The following SLC37A3 variants were observed in gnomAD, a reference collection of about 807,000 sequenced individuals.
The protein encoded by SLC37A3 is sugar phosphate exchanger 3.
Under a neutral mutation model 67.1 loss-of-function variants are expected in SLC37A3, and 51 were observed. The ratio of observed to expected loss-of-function variants is 0.76; its 90% CI spans 0.61 to 0.96. The LOEUF (loss-of-function observed/expected upper bound fraction) is 0.96, where lower values mean the gene tolerates loss of function less well. Ranked by LOEUF, SLC37A3 falls within the 40% of genes least tolerant of loss-of-function variation. SLC37A3 has a pLI of 0.00. For missense variants in SLC37A3, 508 were observed against 603.0 expected (o/e 0.84, Z 1.65); for synonymous variants, 214 against 231.4 (o/e 0.92, Z 0.68).
intron 5 of SLC37A3, among the ~76,000 whole-genome samples, 177 bp from the exon 6 acceptor site, chr7:140,358,962 G>A (rs1485224585): frequency 9.9e-5 from 15 of 152,130 alleles, no homozygotes; most frequent in Admixed American, 9.2e-4. Context: ...CAGTGAGGAG[G>A]CAGCCACCCA....
At chr7:140,359,140 G>C (rs1471082845) in intron 5 of SLC37A3, among the ~76,000 whole-genome samples, 2 of 152,026 alleles carry the variant, frequency 1.3e-5, no homozygotes, top group African/African-American at 4.8e-5. Context: ...TCAGGAAATC[G>C]AGACCATCCT....
intron 9 of SLC37A3, among the ~76,000 whole-genome samples, chr7:140,349,254 T>C (rs747518515): frequency 6.6e-6 from 1 of 152,154 alleles, no homozygotes; most frequent in Non-Finnish European, 1.5e-5. Flanking sequence ...CTGTGAACAA[T>C]GGACAGCAAA....
At chr7:140,388,249 A>G (rs1798584761) in intron 1 of SLC37A3, among the ~76,000 whole-genome samples, 1 of 151,852 alleles carries the variant, frequency 6.6e-6, no homozygotes, top group African/African-American at 2.4e-5. Context: ...CCTGGGAAAC[A>G]TGGCAAAACC....
At position 140,334,812 on chromosome 7, in the gene SLC37A3, C is replaced by T; in HGVS notation, c.*600G>A. The T allele has an allele frequency of 5.6e-6, 1 of 178,852 alleles. No individual in the cohort carries two copies. 11.1% of individuals were successfully genotyped at this position (178,852 alleles called of 1,614,324 possible). Reference sequence around the variant, plus strand: ...GGCTGAATGACGTTTAGATCAGACACAGAGTGACTGAGCCAATCAACAGGC... The same window carrying T: ...GGCTGAATGACGTTTAGATCAGACATAGAGTGACTGAGCCAATCAACAGGC... On this transcript the variant is annotated 3_prime_UTR_variant, in exon 15 of 15. Transcript: ENST00000326232.
chr7:140,339,556 C>T (rs898315663), intron 13 of SLC37A3, among the ~76,000 whole-genome samples: 16 of 152,050 alleles, frequency 1.1e-4, no homozygotes, highest in African/African-American at 3.9e-4. Context: ...CCACCGCGCC[C>T]GGCCCCCAGT....
At chr7:140,373,870 C>T (rs1333634242) in intron 3 of SLC37A3, among the ~76,000 whole-genome samples, 1 of 152,004 alleles carries the variant, frequency 6.6e-6, no homozygotes, top group Non-Finnish European at 1.5e-5. Context: ...CCCACTATCT[C>T]CTATTAACAG....
intron 6 of SLC37A3, among the ~76,000 whole-genome samples, chr7:140,358,154 G>A (rs10237412): frequency 0.021 from 3,125 of 152,158 alleles, 99 homozygotes; most frequent in African/African-American, 0.071. Context: ...AAAGTCTGGC[G>A]TTCTTCATCT....
At chr7:140,371,335 AGAT>A (rs1164947495) in intron 3 of SLC37A3, among the ~76,000 whole-genome samples, 2 of 151,940 alleles carry the variant, frequency 1.3e-5, no homozygotes, top group African/African-American at 4.8e-5. Context: ...CACCACGCCC[AGAT>A]AATTTTTGTA....
chr7:140,338,386 C>T (rs1399029275), intron 13 of SLC37A3, among the ~76,000 whole-genome samples: 3 of 152,172 alleles, frequency 2.0e-5, no homozygotes, highest in East Asian at 3.9e-4. Flanking sequence ...CTAGATATTT[C>T]GTGTAAATGG....
chr7:140,383,462 C>T (rs1167295015), intron 1 of SLC37A3, among the ~76,000 whole-genome samples: 1 of 151,920 alleles, frequency 6.6e-6, no homozygotes, highest in African/African-American at 2.4e-5. Context: ...CAAAGTGAGA[C>T]CCCTGACTCT....
intron 1 of SLC37A3, among the ~76,000 whole-genome samples, chr7:140,392,141 G>C (rs1798748011): frequency 6.6e-6 from 1 of 152,066 alleles, no homozygotes; most frequent in Non-Finnish European, 1.5e-5. Flanking sequence ...GGAACTCTCA[G>C]TGGACAGCAT....
chr7:140,351,963 A>G, intron 8 of SLC37A3, 99 bp downstream of exon 8: 2 of 1,202,600 alleles, frequency 1.7e-6, no homozygotes, highest in Non-Finnish European at 2.4e-6. Flanking sequence ...AGGAGCTCAG[A>G]GTTTTCCTAG....
At chr7:140,391,992 A>G (rs1798742796) in intron 1 of SLC37A3, among the ~76,000 whole-genome samples, 3 of 152,154 alleles carry the variant, frequency 2.0e-5, no homozygotes. Flanking sequence ...TTCTATACCT[A>G]TAACTGTCTT....
chr7:140,393,309 T>C (rs921197642), intron 1 of SLC37A3, among the ~76,000 whole-genome samples: 3 of 152,198 alleles, frequency 2.0e-5, no homozygotes, highest in African/African-American at 7.2e-5. Flanking sequence ...GGTCCATCCA[T>C]ATCAGCACCT....
chr7:140,377,385 T>C (rs1204122903), intron 3 of SLC37A3, among the ~76,000 whole-genome samples: 1 of 152,136 alleles, frequency 6.6e-6, no homozygotes, highest in Non-Finnish European at 1.5e-5. Context: ...TAAATTCTCC[T>C]TCCTTCTCCT....
At chr7:140,339,094 G>A (rs1194223353) in intron 13 of SLC37A3, among the ~76,000 whole-genome samples, 36 of 152,066 alleles carry the variant, frequency 2.4e-4, no homozygotes, top group Admixed American at 2.4e-3. Context: ...ACAGCTCACT[G>A]TAACTTCCCT....
chr7:140,352,231 T>TGGGGGGGGGG, intron 7 of SLC37A3, 85 bp from the exon 8 acceptor site: 2 of 48,508 alleles, frequency 4.1e-5, no homozygotes, highest in African/African-American at 2.6e-4. Flanking sequence ...TGGGGGAAGG[T>TGGGGGGGGGG]GGGGGTGGGG....
chr7:140,370,716 G>A (rs1160074256), intron 3 of SLC37A3, among the ~76,000 whole-genome samples: 1 of 152,134 alleles, frequency 6.6e-6, no homozygotes, highest in Admixed American at 6.5e-5. Context: ...TACTAAAAAG[G>A]TAACTAAAAT....
chr7:140,351,800 C>T (rs12674434), intron 8 of SLC37A3: 1 of 588,214 alleles, frequency 1.7e-6, no homozygotes, highest in African/African-American at 1.9e-5. Flanking sequence ...TTGCCAGTGT[C>T]TCAATTATAA....
Sources: allele counts gnomAD v4.1 joint callset (sites outside exome capture counted in the v4.1 genomes callset), GRCh38; gene constraint gnomAD v4.1.1; transcripts MANE v1.5; gene names NCBI Gene and HGNC (gene_info 2026-07-23, HGNC 2026-07-21).